Variants in SLC26A4 observed in about 807,000 individuals in gnomAD.
SLC26A4 encodes pendrin.
A neutral mutation model predicts 90.4 loss-of-function variants in SLC26A4; 93 were observed. The observed-to-expected ratio is 1.03, with a 90% CI of 0.87 to 1.22. SLC26A4 has a LOEUF of 1.22. Among genes scored for constraint, SLC26A4 ranks in the 50% most tolerant of loss-of-function variants. SLC26A4 has a pLI of 0.00. For missense variants in SLC26A4, 1,127 were observed against 946.2 expected (o/e 1.19, Z -2.51); for synonymous variants, 393 against 354.6 (o/e 1.11, Z -1.22).
At chr7:107,708,895 A>G (rs1321149841) in intron 18 of SLC26A4, among the ~76,000 whole-genome samples, 1 of 152,188 alleles carries the variant, frequency 6.6e-6, no homozygotes, top group African/African-American at 2.4e-5. Context: ...TCCTTAGAAC[A>G]GGAGGACTCT....
chr7:107,702,980 C>CATTAATGAT (rs1324925915), intron 17 of SLC26A4, among the ~76,000 whole-genome samples: 2 of 152,116 alleles, frequency 1.3e-5, no homozygotes, highest in Non-Finnish European at 2.9e-5. Flanking sequence ...AGGATAGAAA[C>CATTAATGAT]ATTAATGATA....
At position 107,674,941 on chromosome 7, in the gene SLC26A4, G is replaced by A. The variant is rs376952657; in HGVS notation, c.601-4G>A. ...TAATTTTTCTTTCCTTTTCCTTATC[G>A]TAGTTGATATTTGGTGGCTTGCAGA... On this transcript the variant is annotated splice_polypyrimidine_tract_variant and splice_region_variant and intron_variant, in intron 5 of 20. Coordinates refer to ENST00000644269, the MANE Select transcript of SLC26A4 (RefSeq NM_000441.2). 8 of 1,613,440 alleles carry A rather than the reference G, an allele frequency of 5.0e-6. No individual in the cohort carries two copies. Among genetic ancestry groups the A allele is most frequent in the African/African-American group, 2.7e-5 (2 of 74,760 alleles).
intron 3 of SLC26A4, among the ~76,000 whole-genome samples, chr7:107,665,382 G>A (rs1478396681): frequency 6.6e-6 from 1 of 152,128 alleles, no homozygotes; most frequent in African/African-American, 2.4e-5. Context: ...AGGTGGACGG[G>A]AGAGAGACTA....
chr7:107,688,981 A>G (rs1791492042), intron 8 of SLC26A4, 72 bp from the exon 9 acceptor site: 2 of 1,489,624 alleles, frequency 1.3e-6, no homozygotes, highest in Non-Finnish European at 1.9e-6. Context: ...GAGCAGATAT[A>G]GCATTTGATG....
chr7:107,680,219 A>C (rs191120086), intron 6 of SLC26A4, among the ~76,000 whole-genome samples: 2 of 126,348 alleles, frequency 1.6e-5, no homozygotes, highest in Non-Finnish European at 3.1e-5. Context: ...TAATCTTATA[A>C]TATAATCTTA....
In SLC26A4 at chr7:107,683,202, A is replaced by G. The variant is rs1791294702; in HGVS notation, c.766A>G (p.Thr256Ala). 6.2e-7 allele frequency: 1 copy of G among 1,610,758 alleles called. No individual in the cohort carries two copies. Among genetic ancestry groups the G allele is most frequent in the Non-Finnish European group, 8.5e-7 (1 of 1,178,904 alleles). Residue 256 changes from threonine (T) to alanine (A), a missense_variant and splice_region_variant, in exon 7 of 21, where the codon ACG becomes GCG. Coordinates refer to ENST00000644269, the MANE Select transcript of SLC26A4 (RefSeq NM_000441.2). ...ATATAAAATTATTTTCTTTTTATAG[A>G]CGCTGGTTGAGATTTTTCAAAATAT... is the stretch of plus-strand genomic sequence containing the variant. ...NYNGVLSIIY[T>A]LVEIFQNIGD...
chr7:107,715,334 T>C, intron 20 of SLC26A4, 89 bp from the exon 21 acceptor site: 2 of 1,020,284 alleles, frequency 2.0e-6, no homozygotes, highest in Non-Finnish European at 3.1e-6. Context: ...AAGCAATCAA[T>C]ACTATAAAAA....
At chr7:107,683,153 C>T (rs570769476) in intron 6 of SLC26A4, 49 bp from the exon 7 acceptor site, 38 of 1,418,740 alleles carry the variant, frequency 2.7e-5, no homozygotes, top group Middle Eastern at 2.5e-4. Flanking sequence ...TGTGTGTGCT[C>T]GTGTGCGTGT....
chr7:107,670,630 C>T (rs1410739711), intron 3 of SLC26A4, among the ~76,000 whole-genome samples: 1 of 152,090 alleles, frequency 6.6e-6, no homozygotes, highest in Non-Finnish European at 1.5e-5. Flanking sequence ...AACCACTTCC[C>T]TGCTTGGGGA....
chr7:107,697,560 C>T (rs1007955456), intron 13 of SLC26A4, among the ~76,000 whole-genome samples: 1 of 152,188 alleles, frequency 6.6e-6, no homozygotes, highest in Non-Finnish European at 1.5e-5. Context: ...CTCCAGTCTC[C>T]TATTTCTATA....
chr7:107,682,851 A>T (rs1329895547), intron 6 of SLC26A4, among the ~76,000 whole-genome samples: 1 of 152,218 alleles, frequency 6.6e-6, no homozygotes, highest in Non-Finnish European at 1.5e-5. Context: ...AGTAAAAGTT[A>T]GTATGTTTAT....
rs867562094 is a variant in SLC26A4 at position 107,661,722 on chromosome 7, C to T, written c.81C>T (p.Tyr27=). The change falls in exon 2 of 21, where the codon TAC becomes TAT. Residue 27 remains tyrosine (Y), a synonymous_variant. Coordinates refer to ENST00000644269, the MANE Select transcript of SLC26A4 (RefSeq NM_000441.2). This position sits in a 1 kb window ranked among gnomAD's most constrained non-coding sequence, Gnocchi z 5.1. ...SCSYMVSRPV[Y]SELAFQQQHE... ...GCTACATGGTGTCGCGGCCGGTCTACAGCGAGCTCGCTTTCCAGCAACAGC... is the reference window on the plus strand; with the variant it reads ...GCTACATGGTGTCGCGGCCGGTCTATAGCGAGCTCGCTTTCCAGCAACAGC... The T allele has an allele frequency of 1.7e-5, 27 of 1,560,000 alleles. No individual in the cohort carries two copies. Among genetic ancestry groups the T allele is most frequent in the Non-Finnish European group, 2.3e-5 (27 of 1,156,042 alleles).
At chr7:107,714,275 G>C (rs117126802) in intron 20 of SLC26A4, among the ~76,000 whole-genome samples, 1 of 152,006 alleles carries the variant, frequency 6.6e-6, no homozygotes, top group Non-Finnish European at 1.5e-5. Context: ...CCCAGTACCC[G>C]TTACCTGGTG....
At position 107,701,199 on chromosome 7, in the gene SLC26A4, G is replaced by T; in HGVS notation, c.1803+3G>T. ...GTGGACAATTAAGAGCAACAAAGGTGAGATGACATCTTTCTTTTCCCCCTT... is the reference window on the plus strand; with the variant it reads ...GTGGACAATTAAGAGCAACAAAGGTTAGATGACATCTTTCTTTTCCCCCTT... On this transcript the variant is annotated splice_donor_region_variant and intron_variant, in intron 16 of 20. Coordinates refer to ENST00000644269, the MANE Select transcript of SLC26A4 (RefSeq NM_000441.2). 1 of 1,560,368 alleles carries T rather than the reference G, an allele frequency of 6.4e-7. No homozygotes were observed. Among genetic ancestry groups the T allele is most frequent in the South Asian group, 1.1e-5 (1 of 89,902 alleles).
rs749057532 is a variant in SLC26A4 at position 107,674,270 on chromosome 7, T to G, written c.522T>G (p.Thr174=). 2.5e-6 allele frequency: 4 copies of G among 1,614,044 alleles called. No individual in the cohort carries two copies. The highest frequency in any genetic ancestry group is 3.4e-6 in the Non-Finnish European group (4 of 1,179,884). The change falls in exon 5 of 21, where the codon ACT becomes ACG. Residue 174 remains threonine (T), a synonymous_variant. Coordinates refer to ENST00000644269, the MANE Select transcript of SLC26A4 (RefSeq NM_000441.2). ...GCAATGGAACTGTATTAAATACTAC[T>G]ATGATAGACACTGCAGCTAGAGATA... The part of the protein sequence containing the change: ...SSSNGTVLNT[T]MIDTAARDTA...
At chr7:107,702,085 A>C (rs1475781281) in intron 17 of SLC26A4, 28 bp downstream of exon 17, 1 of 1,447,506 alleles carries the variant, frequency 6.9e-7, no homozygotes, top group East Asian at 2.3e-5. Context: ...TGAATTATAC[A>C]TTTGGAGCTT....
At chr7:107,701,040 G>T (rs1261500003) in intron 15 of SLC26A4, 61 bp from the exon 16 acceptor site, 2 of 969,624 alleles carry the variant, frequency 2.1e-6, no homozygotes, top group Non-Finnish European at 3.4e-6. Context: ...CCAGATAACA[G>T]TTGCCATTAA....
At chr7:107,677,654 G>A in intron 6 of SLC26A4, among the ~76,000 whole-genome samples, 1 of 150,348 alleles carries the variant, frequency 6.7e-6, no homozygotes, top group East Asian at 2.0e-4. Flanking sequence ...TGCCTGGGCT[G>A]GAGTACAGTA....
At chr7:107,693,285 G>A (rs1290002137) in intron 10 of SLC26A4, 9 of 985,402 alleles carry the variant, frequency 9.1e-6, no homozygotes, top group Non-Finnish European at 9.6e-6. Flanking sequence ...GCATAGAAAA[G>A]CCAGCCAGAC....
Sources: gnomAD v4.1 joint callset for allele counts (sites outside exome capture counted in the v4.1 genomes callset) on GRCh38, gnomAD v4.1.1 for gene constraint, Gnocchi (gnomAD v3.1) non-coding constraint, MANE v1.5 for transcripts, NCBI Gene and HGNC (gene_info 2026-07-23, HGNC 2026-07-21) for gene names.